Variants in STK11IP observed in about 807,000 individuals in gnomAD.
The protein encoded by STK11IP is serine/threonine-protein kinase 11-interacting protein.
STK11IP carries 103 observed loss-of-function variants against 131.7 expected under a neutral mutation model. The observed-to-expected ratio is 0.78, with a 90% confidence interval of 0.67 to 0.92. The LOEUF is 0.92. Ranked by LOEUF, STK11IP falls within the 40% of genes least tolerant of loss-of-function variation. The pLI is 0.00. For missense variants in STK11IP, 1,315 were observed against 1,385.7 expected, an observed-to-expected ratio of 0.95 and a Z score of 0.81; for synonymous variants, 557 against 575.6, an observed-to-expected ratio of 0.97 and a Z score of 0.46.
At chr2:219,605,934 T>G (rs757671196) in intron 8 of STK11IP, 22 bp from the exon 9 acceptor site, 1 of 1,577,794 alleles carries the variant, frequency 6.3e-7, no homozygotes, top group African/African-American at 1.3e-5. Context: ...ATGCTCTTCC[T>G]TCCTTCTTGC....
At chr2:219,615,381 A>G (rs1698542773) in intron 24 of STK11IP, 40 bp downstream of exon 24, 2 of 1,575,574 alleles carry the variant, frequency 1.3e-6, no homozygotes, top group Non-Finnish European at 1.7e-6. Context: ...GGGAGGGGAG[A>G]TGGTGAGCAC....
In STK11IP at chr2:219,616,161, G is replaced by C. The variant is rs199987598; in HGVS notation, c.3235G>C (p.Val1079Leu). The C allele has an allele frequency of 6.2e-7, 1 of 1,613,734 alleles. No homozygotes were observed. Among genetic ancestry groups the C allele is most frequent in the African/African-American group, 1.3e-5 (1 of 75,066 alleles). ...GCTGTTTTCCATCGGACTCCGGACA[G>C]TGATCCAAGAGGCGCTGGCCCTTGA... ...EELFSIGLRT[V>L]IQEALALDR The change falls in exon 25 of 25, where the codon GTG becomes CTG. Residue 1079 changes from valine to leucine, a missense_variant. Physicochemically the swap from Val to Leu is conservative, Grantham distance 32 (BLOSUM62 1). Coordinates refer to ENST00000456909, the MANE Select transcript of STK11IP (RefSeq NM_052902.4).
At chr2:219,600,039 GTGTTTTTTTTTTTGTTTT>G (rs1374357980) in intron 2 of STK11IP, among the ~76,000 whole-genome samples, 1,468 of 121,876 alleles carry the variant, frequency 0.012, 35 homozygotes, top group African/African-American at 0.045. Flanking sequence ...CCTGCCCTTT[GTGTTTTTTTTTTTGTTTT>G]TGTTTTTTTT....
chr2:219,608,519 C>G, intron 14 of STK11IP, 64 bp from the exon 15 acceptor site: 1 of 1,537,752 alleles, frequency 6.5e-7, no homozygotes, highest in Non-Finnish European at 8.8e-7. Flanking sequence ...AGGGCCAGTT[C>G]GGGGGAGGGC....
chr2:219,608,144 C>A lies in STK11IP; in HGVS notation c.1317C>A (p.Pro439=). 1.9e-6 allele frequency: 3 copies of A among 1,613,516 alleles called. No individual in the cohort carries two copies. The highest frequency in any genetic ancestry group is 2.5e-6 in the Non-Finnish European group (3 of 1,179,874). ...TGCAGTACAGGAGTCACCTGGAGCC[C>A]TCCGGAAACCCTCTGCCGGCCACCC... ...NWLQYRSHLE[P]SGNPLPATPT... is the part of the protein sequence containing the mutation. The change falls in exon 14 of 25, where the codon CCC becomes CCA. Residue 439 remains proline, a synonymous_variant. Transcript: ENST00000456909.
At chr2:219,601,770 T>C in intron 4 of STK11IP, 55 bp downstream of exon 4, 1 of 1,553,322 alleles carries the variant, frequency 6.4e-7, no homozygotes, top group Non-Finnish European at 8.7e-7. Context: ...GGCAGCCCCT[T>C]GGGGATGGGA....
At chr2:219,600,602 G>A (rs1697954693) in intron 2 of STK11IP, among the ~76,000 whole-genome samples, 1 of 152,220 alleles carries the variant, frequency 6.6e-6, no homozygotes, top group Admixed American at 6.5e-5. Context: ...GAATACCAGA[G>A]TGATCAAAAG....
In STK11IP at chr2:219,602,517, T is replaced by A. The variant is rs773881250; in HGVS notation, c.488T>A (p.Leu163Gln). 3 of 1,614,024 alleles carry A rather than the reference T, an allele frequency of 1.9e-6. No individual in the cohort carries two copies. ...GGDFCSALPWLALLSANFSYN... is the reference protein window; with the variant it reads ...GGDFCSALPWQALLSANFSYN... ...GACTTCTGCTCTGCCCTCCCTTGGC[T>A]GGCTCTGCTTTCTGCCAACTTCAGC... The change falls in exon 6 of 25, where the codon CTG (leucine) becomes CAG (glutamine). Residue 163 changes from leucine to glutamine, a missense_variant. Transcript: ENST00000456909.
rs375023933 is a variant in STK11IP, at chr2:219,611,671, C to G, written c.2172C>G (p.Thr724=). The G allele has an allele frequency of 5.1e-5, 82 of 1,613,044 alleles. No individual in the cohort carries two copies. The African/African-American group carries it at 9.5e-4, about 19-fold the overall frequency. The change falls in exon 18 of 25, where the codon ACC becomes ACG. Residue 724 remains threonine, a synonymous_variant. Transcript: ENST00000456909. ...TTCTCCTCGCTGTGTCTCGGGGAAC[C>G]CCCAACAGGGAGCGGAAACAGGGAG... is the stretch of plus-strand genomic sequence containing the variant. ...HVVLLAVSRG[T]PNRERKQGEQ... is the part of the protein sequence containing the mutation.
Position 219,602,718 on chromosome 2 carries a change from C to T in STK11IP, c.560C>T (p.Ala187Val). 1 of 1,613,270 alleles carries T rather than the reference C, an allele frequency of 6.2e-7. No individual in the cohort carries two copies. Among genetic ancestry groups the T allele is most frequent in the South Asian group, 1.1e-5 (1 of 90,984 alleles). The part of the protein sequence containing the change: ...ALDSSLRLLS[A>V]LRFLNLSHNQ... ...CGTCTCTCTCAGCGCCTCTTGTCAG[C>T]TCTGCGTTTCTTGAACCTAAGCCAC... Residue 187 changes from alanine (A) to valine (V), a missense_variant, in exon 7 of 25, where the codon GCT (alanine) becomes GTT (valine). Coordinates refer to ENST00000456909, the MANE Select transcript of STK11IP (RefSeq NM_052902.4).
intron 15 of STK11IP, 56 bp downstream of exon 15, chr2:219,608,844 G>T: frequency 6.7e-7 from 1 of 1,501,034 alleles, no homozygotes; most frequent in Non-Finnish European, 9.0e-7. Context: ...CATGGCTGTT[G>T]TGTGCCCTGC....
chr2:219,616,260 T>TG lies in STK11IP; in HGVS notation c.*70dup. Reference sequence around the variant, plus strand: ...TGTAGACATTCCCTCTCCTGGTCTCTGGGTCTGGCTTCCAGGCTCTGGCTG... The same window carrying TG: ...TGTAGACATTCCCTCTCCTGGTCTCTGGGGTCTGGCTTCCAGGCTCTGGCTG... On this transcript the variant is annotated 3_prime_UTR_variant, in exon 25 of 25. Transcript: ENST00000456909. 2 of 1,532,460 alleles carry TG rather than the reference T, an allele frequency of 1.3e-6. No homozygotes were observed. Among genetic ancestry groups the TG allele is most frequent in the African/African-American group, 1.4e-5 (1 of 73,090 alleles). 94.9% of individuals were successfully genotyped at this position (1,532,460 alleles called of 1,614,324 possible). A position where few individuals can be genotyped will look rare whatever the true frequency, so the allele number is the denominator to read the frequency against.
At chr2:219,614,664 T>A in intron 23 of STK11IP, 118 bp downstream of exon 23, 1 of 1,051,654 alleles carries the variant, frequency 9.5e-7, no homozygotes, top group Non-Finnish European at 1.5e-6. Flanking sequence ...TCCTGGAACC[T>A]GGAGAACCTC....
rs369564000 is a variant in STK11IP, at chr2:219,605,447, A to G, written c.619-161A>G. On this transcript the variant is annotated intron_variant, in intron 7 of 24. Transcript: ENST00000456909. ...TTAGGAACAGTGCTGGTGTTGTTCA[A>G]GTCTTTTAACGTGGGAGTAGGGGTG... 15 of 665,248 alleles carry G rather than the reference A, an allele frequency of 2.3e-5. No homozygotes were observed. The East Asian group carries it at 2.5e-4, about 11-fold the overall frequency. 41.2% of individuals were successfully genotyped at this position (665,248 alleles called of 1,614,324 possible). A position where few individuals can be genotyped will look rare whatever the true frequency, so the allele number is the denominator to read the frequency against.
At chr2:219,605,343 C>A (rs536339927) in intron 7 of STK11IP, among the ~76,000 whole-genome samples, 15 of 152,316 alleles carry the variant, frequency 9.8e-5, no homozygotes, top group South Asian at 2.1e-4. Context: ...ATGGGAAATT[C>A]TTTTGGCAGC....
intron 5 of STK11IP, 36 bp from the exon 6 acceptor site, chr2:219,602,432 A>G (rs1698017552): frequency 6.6e-6 from 10 of 1,506,016 alleles, no homozygotes; most frequent in South Asian, 1.1e-5. Flanking sequence ...GAGGAAGGGG[A>G]GGGTGGGGTA....
rs1228333851 is a variant in STK11IP at position 219,598,184 on chromosome 2, A to C, written c.61+4A>C. 1 of 1,547,010 alleles carries C rather than the reference A, an allele frequency of 6.5e-7. No homozygotes were observed. The highest frequency in any genetic ancestry group is 2.0e-5 in the Admixed American group (1 of 50,142). ...GCGGGGTTGCTGCGGGAGTCCGGTGAGTGGACTTCCGGTTGGGCTGGGCCT... is the reference window on the plus strand; with the variant it reads ...GCGGGGTTGCTGCGGGAGTCCGGTGCGTGGACTTCCGGTTGGGCTGGGCCT... On this transcript the variant is annotated splice_donor_region_variant and intron_variant, in intron 2 of 24. Transcript: ENST00000456909.
Position 219,609,126 on chromosome 2 carries a change from C to T in STK11IP, c.1839C>T (p.Ile613=). The change falls in exon 16 of 25, where the codon ATC becomes ATT. Residue 613 remains isoleucine (I), a synonymous_variant. Transcript: ENST00000456909. The part of the protein sequence containing the change: ...TGSDLLPGAP[I]LSLRFSYICP... ...CAGATCTGCTCCCTGGAGCCCCCAT[C>T]CTCAGTCTGCGCTTCTCCTACATCT... 1.9e-6 allele frequency: 3 copies of T among 1,607,538 alleles called. No homozygotes were observed. Among genetic ancestry groups the T allele is most frequent in the East Asian group, 2.2e-5 (1 of 44,632 alleles).
At position 219,615,138 on chromosome 2, in the gene STK11IP, C is replaced by T; in HGVS notation, c.2914C>T (p.Leu972=). 6.2e-7 allele frequency: 1 copy of T among 1,608,890 alleles called. No individual in the cohort carries two copies. The highest frequency in any genetic ancestry group is 1.1e-5 in the South Asian group (1 of 89,948). The change falls in exon 24 of 25, where the codon CTG becomes TTG. Residue 972 remains leucine, a synonymous_variant. Transcript: ENST00000456909. ...ATCCCTGTTGCTGACTCCGTCCACC[C>T]TGTTCCTGTTAGATGAGGATGCTGC... ...LVSLLLTPST[L]FLLDEDAAGS... is the part of the protein sequence containing the mutation.
Sources: gnomAD v4.1 joint callset for allele counts (sites outside exome capture counted in the v4.1 genomes callset) on GRCh38, gnomAD v4.1.1 for gene constraint, MANE v1.5 for transcripts, NCBI Gene and HGNC (gene_info 2026-07-23, HGNC 2026-07-21) for gene names.